The following TNR variants were observed in gnomAD, a reference collection of about 807,000 sequenced individuals.
The protein encoded by TNR is tenascin-R.
A neutral mutation model predicts 150.4 loss-of-function variants in TNR; 45 were observed. The ratio of observed to expected loss-of-function variants is 0.30; its 90% confidence interval spans 0.24 to 0.38. TNR has a LOEUF of 0.38. Ranked by LOEUF, TNR falls within the 10% of genes least tolerant of loss-of-function variation. The pLI, the probability that TNR is intolerant of heterozygous loss-of-function variation, is 1.00. For synonymous variants in TNR, 687 were observed against 678.4 expected (o/e 1.01, Z -0.20); for missense variants, 1,544 against 1,759.1 (o/e 0.88, Z 2.19).
chr1:175,348,451 A>G (rs1247354953), intron 18 of TNR, among the ~76,000 whole-genome samples: 1 of 152,210 alleles, frequency 6.6e-6, no homozygotes, highest in Non-Finnish European at 1.5e-5. Flanking sequence ...TGGAAAAATA[A>G]AGGTCACCAA....
chr1:175,612,846 C>G (rs1663638898), intron 1 of TNR, among the ~76,000 whole-genome samples: 1 of 152,152 alleles, frequency 6.6e-6, no homozygotes, highest in Non-Finnish European at 1.5e-5. Flanking sequence ...GAACTTGATT[C>G]CAATCATTTA....
chr1:175,434,458 C>T (rs2102073584), intron 2 of TNR, among the ~76,000 whole-genome samples: 1 of 152,236 alleles, frequency 6.6e-6, no homozygotes, highest in African/African-American at 2.4e-5. Flanking sequence ...TCGCTGGCAC[C>T]CCCTACTGGC....
rs374369683 is a variant in TNR, at chr1:175,329,561, G to T, written c.3793+513C>A. On this transcript the variant is annotated intron_variant, in intron 21 of 22. Transcript: ENST00000367674. ...CTAGGTGTTAGCATGACCGCTGATGGACAGGGTGGGGTGTTAGGGGCATCT... is the reference window on the plus strand; with the variant it reads ...CTAGGTGTTAGCATGACCGCTGATGTACAGGGTGGGGTGTTAGGGGCATCT... Among the ~76,000 whole-genome samples, 8 of 152,340 alleles carry T rather than the reference G, an allele frequency of 5.3e-5. No individual in the cohort carries two copies. In the East Asian group the frequency reaches 1.5e-3, roughly 29 times the overall value.
At chr1:175,587,447 A>G (rs769654996) in intron 1 of TNR, among the ~76,000 whole-genome samples, 6 of 152,222 alleles carry the variant, frequency 3.9e-5, no homozygotes, top group Non-Finnish European at 8.8e-5. Flanking sequence ...CCTGACTCAC[A>G]TTTGAGGGTT....
At chr1:175,723,037 A>G (rs900641369) in intron 1 of TNR, among the ~76,000 whole-genome samples, 32 of 150,080 alleles carry the variant, frequency 2.1e-4, no homozygotes, top group Non-Finnish European at 3.6e-4. Flanking sequence ...TGATCTGCCC[A>G]CCTCGGCCTC....
At position 175,406,260 on chromosome 1, in the gene TNR, C is replaced by T. The variant is rs765830482; in HGVS notation, c.455G>A (p.Arg152Gln). 21 of 1,614,044 alleles carry T rather than the reference C, an allele frequency of 1.3e-5. No individual in the cohort carries two copies. The highest frequency in any genetic ancestry group is 2.2e-5 in the East Asian group (1 of 44,890). ...EMLEREVSVL[R>Q]DQCNANCCQE... ...GCAGCAGTTGGCGTTGCACTGGTCT[C>T]GCAGCACCGACACCTCCCTCTCCAG... Residue 152 changes from arginine (R) to glutamine (Q), a missense_variant, in exon 3 of 23, where the codon CGA becomes CAA. Coordinates refer to ENST00000367674, the MANE Select transcript of TNR (RefSeq NM_003285.3).
In TNR at chr1:175,537,703, A is replaced by G. The variant is rs77932768; in HGVS notation, c.-164-9334T>C. Among the ~76,000 whole-genome samples the G allele has an allele frequency of 9.2e-3, 1,397 of 152,322 alleles. 12 individuals are homozygous for G. The highest frequency in any genetic ancestry group is 0.012 in the Non-Finnish European group (844 of 68,024). On this transcript the variant is annotated intron_variant, in intron 1 of 22. Transcript: ENST00000367674. Reference sequence around the variant, plus strand: ...GGACTCTGGGTTAGGTTGGGCTGTGAGCCAAAACCCTTCTGTATCCCCATC... The same window carrying G: ...GGACTCTGGGTTAGGTTGGGCTGTGGGCCAAAACCCTTCTGTATCCCCATC...
intron 2 of TNR, among the ~76,000 whole-genome samples, chr1:175,419,544 C>T (rs539672366): frequency 2.6e-5 from 4 of 152,264 alleles, no homozygotes; most frequent in East Asian, 1.9e-4. Context: ...CTCTGTGGCA[C>T]GATCTCGGCT....
chr1:175,710,868 T>G (rs548221021), intron 1 of TNR, among the ~76,000 whole-genome samples: 8 of 152,260 alleles, frequency 5.3e-5, no homozygotes, highest in African/African-American at 1.9e-4. Context: ...CAATAAAGCA[T>G]AATTAGTTCA....
At chr1:175,377,759 C>T (rs1050602499) in intron 9 of TNR, among the ~76,000 whole-genome samples, 3 of 152,156 alleles carry the variant, frequency 2.0e-5, no homozygotes, top group African/African-American at 4.8e-5. Context: ...TGCTGTGTAT[C>T]CCTTGTCTAT....
intron 2 of TNR, among the ~76,000 whole-genome samples, chr1:175,497,295 C>T (rs537289536): frequency 6.6e-6 from 1 of 152,306 alleles, no homozygotes; most frequent in South Asian, 2.1e-4. Context: ...TGTGCTCCTC[C>T]GCTTGCCCCA....
At chr1:175,394,894 C>CGG (rs1557905389) in intron 5 of TNR, among the ~76,000 whole-genome samples, 7 of 152,170 alleles carry the variant, frequency 4.6e-5, no homozygotes, top group Non-Finnish European at 1.0e-4. Flanking sequence ...AACCTCATCA[C>CGG]TGTGCATGCA....
chr1:175,532,122 T>C (rs1660093785), intron 1 of TNR, among the ~76,000 whole-genome samples: 1 of 152,224 alleles, frequency 6.6e-6, no homozygotes, highest in South Asian at 2.1e-4. Flanking sequence ...AGTATAAACC[T>C]TGTTGCTTGA....
At chr1:175,696,217 GTTTTTTT>G (rs5778870) in intron 1 of TNR, among the ~76,000 whole-genome samples, 5 of 40,470 alleles carry the variant, frequency 1.2e-4, no homozygotes, top group South Asian at 2.4e-3. Context: ...CCTTCCTGTA[GTTTTTTT>G]TTTTTTTTTT....
intron 1 of TNR, among the ~76,000 whole-genome samples, chr1:175,668,249 G>T (rs1335493018): frequency 1.3e-5 from 2 of 152,188 alleles, no homozygotes; most frequent in African/African-American, 4.8e-5. Context: ...CCAGAGAAAA[G>T]AAGTCAGTGT....
chr1:175,592,185 A>C (rs980254927), intron 1 of TNR, among the ~76,000 whole-genome samples: 1 of 152,240 alleles, frequency 6.6e-6, no homozygotes, highest in African/African-American at 2.4e-5. Context: ...GGTAAGACAT[A>C]AGAGATAACT....
intron 1 of TNR, among the ~76,000 whole-genome samples, chr1:175,739,878 A>G (rs1667877120): frequency 6.6e-6 from 1 of 152,206 alleles, no homozygotes. Context: ...GGGAGACATG[A>G]CCAACCACCA....
At chr1:175,555,841 T>C (rs536558422) in intron 1 of TNR, among the ~76,000 whole-genome samples, 1 of 152,368 alleles carries the variant, frequency 6.6e-6, no homozygotes, top group South Asian at 2.1e-4. Context: ...TAGGAGGATT[T>C]GGCTAGAAGG....
At chr1:175,557,204 A>G (rs1661194913) in intron 1 of TNR, among the ~76,000 whole-genome samples, 1 of 152,190 alleles carries the variant, frequency 6.6e-6, no homozygotes, top group Non-Finnish European at 1.5e-5. Flanking sequence ...AGAAGAGACC[A>G]CAGTCCTGGT....
Sources: allele counts gnomAD v4.1 joint callset (sites outside exome capture counted in the v4.1 genomes callset), GRCh38; gene constraint gnomAD v4.1.1; transcripts MANE v1.5; gene names NCBI Gene and HGNC (gene_info 2026-07-23, HGNC 2026-07-21).